Variants in GLG1 observed in about 807,000 individuals in gnomAD.
The protein encoded by GLG1 is Golgi apparatus protein 1.
GLG1 carries 38 observed loss-of-function variants against 160.5 expected under a neutral mutation model. That is an observed-to-expected ratio of 0.24 (90% confidence interval 0.18 to 0.31). The LOEUF is 0.31. Ranked by LOEUF, GLG1 falls within the 10% of genes least tolerant of loss-of-function variation. GLG1 has a pLI of 1.00. For missense variants in GLG1, 1,373 were observed against 1,505.2 expected (o/e 0.91, Z 1.45); for synonymous variants, 644 against 543.4 (o/e 1.19, Z -2.57).
chr16:74,516,829 G>A (rs989018266), intron 2 of GLG1, among the ~76,000 whole-genome samples: 5 of 151,022 alleles, frequency 3.3e-5, no homozygotes, highest in Admixed American at 2.6e-4. Context: ...ATAAAGAAGA[G>A]ACAAGAATCA....
chr16:74,506,598 A>AAAAAAAC lies in GLG1; in HGVS notation c.558+2234_558+2240dup, dbSNP rs1555511224. ...CTCCGTCTCAAAAAAAAAAAAAAAA[A>AAAAAAAC]AAAAAACTCAAGAGAAACCAGGAGC... On this transcript the variant is annotated intron_variant, in intron 3 of 25. Coordinates refer to ENST00000422840, the MANE Select transcript of GLG1 (RefSeq NM_001145667.2). Among the ~76,000 whole-genome samples the AAAAAAAC allele has an allele frequency of 5.5e-3, 794 of 144,548 alleles. 25 individuals carry two copies. Among genetic ancestry groups the AAAAAAAC allele is most frequent in the Non-Finnish European group, 9.7e-3 (646 of 66,370 alleles). 94.8% of individuals were successfully genotyped at this position (144,548 alleles called of 152,430 possible).
rs542260824 is a variant in GLG1 at position 74,452,406 on chromosome 16, G to T, written c.*761C>A. 2 of 1,201,434 alleles carry T rather than the reference G, an allele frequency of 1.7e-6. No individual in the cohort carries two copies. The highest frequency in any genetic ancestry group is 2.4e-5 in the South Asian group (1 of 41,018). 74.4% of individuals were successfully genotyped at this position (1,201,434 alleles called of 1,614,324 possible). A position where few individuals can be genotyped will look rare whatever the true frequency, so the allele number is the denominator to read the frequency against. The stretch of plus-strand genomic sequence containing the variant: ...GGACTGTTCAACTTCACAAACTTCC[G>T]GTCCCTTCCCCTCCCCAGCTGCCCT... On this transcript the variant is annotated 3_prime_UTR_variant, in exon 26 of 26. Transcript: ENST00000422840.
rs554465906 is a variant in GLG1 at position 74,447,774 on chromosome 16, T to A, written c.*5393A>T. ...CCCAGGAAGCGCTCCCGCTGCCGGC[T>A]TTCCGGAGGTCTCTGCCCAGTGCAC... On this transcript the variant is annotated 3_prime_UTR_variant, in exon 26 of 26. Coordinates refer to ENST00000422840, the MANE Select transcript of GLG1 (RefSeq NM_001145667.2). 4 of 152,478 alleles carry A rather than the reference T, an allele frequency of 2.6e-5. No homozygotes were observed. Among genetic ancestry groups the A allele is most frequent in the Admixed American group, 2.6e-4 (4 of 15,312 alleles). 9.4% of individuals were successfully genotyped at this position (152,478 alleles called of 1,614,324 possible).
intron 1 of GLG1, among the ~76,000 whole-genome samples, chr16:74,542,730 G>A (rs2017915835): frequency 1.0e-5 from 1 of 99,542 alleles, no homozygotes; most frequent in East Asian, 2.8e-4. Flanking sequence ...AGGAAGGAAG[G>A]AAGGGAGGAA....
intron 2 of GLG1, among the ~76,000 whole-genome samples, chr16:74,527,576 A>T (rs1412431237): frequency 6.6e-6 from 1 of 151,988 alleles, no homozygotes; most frequent in African/African-American, 2.4e-5. Flanking sequence ...AGCATGAAAG[A>T]ATAATAGTCA....
At chr16:74,517,491 C>G (rs549266078) in intron 2 of GLG1, among the ~76,000 whole-genome samples, 1 of 152,150 alleles carries the variant, frequency 6.6e-6, no homozygotes, top group African/African-American at 2.4e-5. Context: ...CTTTGACAAA[C>G]TTCAACAGCC....
In GLG1 at chr16:74,468,599, T is replaced by A. The variant is rs1196152003; in HGVS notation, c.2436+347A>T. On this transcript the variant is annotated intron_variant, in intron 17 of 25. Transcript: ENST00000422840. Reference sequence around the variant, plus strand: ...CCAGGCTGGTTTTGAACTCCTGACCTCAAGCGATCCACCTGCCTCGGCCTC... The same window carrying A: ...CCAGGCTGGTTTTGAACTCCTGACCACAAGCGATCCACCTGCCTCGGCCTC... 3 of 230,046 alleles carry A rather than the reference T, an allele frequency of 1.3e-5. No homozygotes were observed. The Admixed American group carries it at 1.4e-4, about 11-fold the overall frequency. The allele number at this position is 230,046 out of a possible 1,614,324, so 14.3% of individuals were successfully genotyped here. A position where few individuals can be genotyped will look rare whatever the true frequency, so the allele number is the denominator to read the frequency against.
intron 12 of GLG1, among the ~76,000 whole-genome samples, chr16:74,477,192 C>G (rs191841695): frequency 6.6e-6 from 1 of 152,286 alleles, no homozygotes; most frequent in East Asian, 1.9e-4. Flanking sequence ...AATGCAAACA[C>G]AAACTCACTG....
chr16:74,472,277 T>G, intron 14 of GLG1, 72 bp downstream of exon 14: 28 of 974,540 alleles, frequency 2.9e-5, no homozygotes, highest in Non-Finnish European at 4.0e-5. Context: ...GAGGTGAGTC[T>G]GAGATACTCA....
At chr16:74,599,911 G>A (rs1195605358) in intron 1 of GLG1, among the ~76,000 whole-genome samples, 1 of 151,754 alleles carries the variant, frequency 6.6e-6, no homozygotes, top group Non-Finnish European at 1.5e-5. Flanking sequence ...GCTGGTGCCT[G>A]TAATCCCTGC....
intron 3 of GLG1, among the ~76,000 whole-genome samples, chr16:74,506,595 A>AAAAAAAAAAAAAAAAAAAAAAAAAAG (rs2016616184): frequency 6.7e-6 from 1 of 148,816 alleles, no homozygotes; most frequent in Non-Finnish European, 1.5e-5. Context: ...AAAAAAAAAA[A>AAAAAAAAAAAAAAAAAAAAAAAAAAG]AAAAAAAAAC....
intron 2 of GLG1, among the ~76,000 whole-genome samples, chr16:74,525,662 C>A (rs1001347248): frequency 1.9e-4 from 29 of 149,996 alleles, no homozygotes; most frequent in African/African-American, 7.1e-4. Context: ...TGTATATTTT[C>A]TTCTGAGAAA....
intron 1 of GLG1, among the ~76,000 whole-genome samples, chr16:74,543,486 C>G (rs572977737): frequency 6.6e-6 from 1 of 152,166 alleles, no homozygotes; most frequent in South Asian, 2.1e-4. Flanking sequence ...TCTAAAAAAA[C>G]AGACAAAAAA....
intron 25 of GLG1, among the ~76,000 whole-genome samples, chr16:74,454,578 A>C (rs1266143516): frequency 1.4e-5 from 2 of 139,244 alleles, no homozygotes; most frequent in Non-Finnish European, 3.1e-5. Flanking sequence ...AGGCAGGATA[A>C]TTGCTTGAAC....
At chr16:74,498,551 A>G (rs2016295997) in intron 4 of GLG1, among the ~76,000 whole-genome samples, 1 of 142,292 alleles carries the variant, frequency 7.0e-6, no homozygotes. Context: ...ATACCTATCT[A>G]TGAAATAATC....
At chr16:74,598,476 G>A (rs539433649) in intron 1 of GLG1, among the ~76,000 whole-genome samples, 26 of 142,518 alleles carry the variant, frequency 1.8e-4, no homozygotes, top group African/African-American at 5.0e-4. Context: ...AGCCGAGATC[G>A]CGCCACTGCA....
At chr16:74,493,933 C>T (rs1324076472) in intron 6 of GLG1, among the ~76,000 whole-genome samples, 1 of 151,922 alleles carries the variant, frequency 6.6e-6, no homozygotes, top group Non-Finnish European at 1.5e-5. Context: ...TATATAAAAC[C>T]ACAGTGAGAG....
rs973360343 is a variant in GLG1, at chr16:74,529,810, T to A, written c.471+2311A>T. Among the ~76,000 whole-genome samples, 8 of 33,984 alleles carry A rather than the reference T, an allele frequency of 2.4e-4. 1 individual carries two copies. The highest frequency in any genetic ancestry group is 1.1e-3 in the Admixed American group (3 of 2,612). 22.3% of individuals were successfully genotyped at this position (33,984 alleles called of 152,430 possible). Reference sequence around the variant, plus strand: ...TTCCTATTCCTTGGCTCTTTGAGAGTTCTTTTTTTTTTTTTTTTTTTTTTG... The same window carrying A: ...TTCCTATTCCTTGGCTCTTTGAGAGATCTTTTTTTTTTTTTTTTTTTTTTG... On this transcript the variant is annotated intron_variant, in intron 2 of 25. Transcript: ENST00000422840.
At chr16:74,521,552 A>G (rs946515013) in intron 2 of GLG1, among the ~76,000 whole-genome samples, 2 of 152,194 alleles carry the variant, frequency 1.3e-5, no homozygotes, top group Non-Finnish European at 2.9e-5. Context: ...TTGAGCAACC[A>G]GAAGAATAGA....
Sources: gnomAD v4.1 joint callset for allele counts (sites outside exome capture counted in the v4.1 genomes callset) on GRCh38, gnomAD v4.1.1 for gene constraint, MANE v1.5 for transcripts, NCBI Gene and HGNC (gene_info 2026-07-23, HGNC 2026-07-21) for gene names.